TMEM232: variants seen among roughly 807,000 people sequenced by gnomAD.
TMEM232 encodes the protein transmembrane protein 232.
TMEM232 carries 80 observed loss-of-function variants against 78.8 expected under a neutral mutation model. That is an observed-to-expected ratio of 1.01 (90% CI 0.85 to 1.22). The LOEUF is 1.22. Ranked by LOEUF, TMEM232 falls within the 50% of genes most tolerant of loss-of-function variation. The pLI is 0.00. For missense variants in TMEM232, 881 were observed against 742.2 expected (o/e 1.19, Z -2.17); for synonymous variants, 297 against 254.3 (o/e 1.17, Z -1.60).
intron 1 of TMEM232, among the ~76,000 whole-genome samples, chr5:110,717,806 T>C (rs894980694): frequency 2.6e-5 from 4 of 152,134 alleles, no homozygotes; most frequent in Admixed American, 6.6e-5. Flanking sequence ...CCTGACACCA[T>C]GTGAAGGTCC....
chr5:110,583,753 CT>C (rs1778470219), intron 10 of TMEM232, among the ~76,000 whole-genome samples: 1 of 151,530 alleles, frequency 6.6e-6, no homozygotes. Context: ...AAACATTAAT[CT>C]TGAAAATAAG....
chr5:110,603,133 G>A lies in TMEM232; in HGVS notation c.1276+1976C>T, dbSNP rs556186303. On this transcript the variant is annotated intron_variant, in intron 10 of 13. Transcript: ENST00000455884. ...AGGGAGGGGAATATCACACACCCGG[G>A]CCTGTCAGGGGTTGGGGGCAAGGGA... Among the ~76,000 whole-genome samples the A allele has an allele frequency of 5.3e-5, 8 of 152,198 alleles. No individual in the cohort carries two copies. In the South Asian group the frequency reaches 1.7e-3, roughly 32 times the overall value.
chr5:110,601,930 A>T (rs1339187507), intron 10 of TMEM232, among the ~76,000 whole-genome samples: 2 of 152,192 alleles, frequency 1.3e-5, no homozygotes, highest in African/African-American at 4.8e-5. Flanking sequence ...ACAGCATGGT[A>T]CTGGTACCAA....
At chr5:110,664,077 C>A (rs1022945063) in intron 2 of TMEM232, among the ~76,000 whole-genome samples, 14 of 152,108 alleles carry the variant, frequency 9.2e-5, no homozygotes, top group African/African-American at 3.1e-4. Context: ...GAATTCGAGG[C>A]TGCAGTGAGC....
intron 1 of TMEM232, among the ~76,000 whole-genome samples, chr5:110,688,134 C>T (rs1005419706): frequency 6.6e-6 from 1 of 151,252 alleles, no homozygotes; most frequent in South Asian, 2.1e-4. Flanking sequence ...TTTTAATAGT[C>T]TTGCTTTGAC....
intron 10 of TMEM232, among the ~76,000 whole-genome samples, chr5:110,574,924 C>G (rs559668238): frequency 6.6e-6 from 1 of 152,112 alleles, no homozygotes; most frequent in African/African-American, 2.4e-5. Context: ...TGAGTGATGT[C>G]TTAGGGATCT....
intron 11 of TMEM232, among the ~76,000 whole-genome samples, chr5:110,548,102 A>G (rs1298381210): frequency 2.0e-5 from 3 of 151,590 alleles, no homozygotes; most frequent in African/African-American, 7.3e-5. Flanking sequence ...TTCCTCGAGC[A>G]GAAGAAAAAT....
intron 1 of TMEM232, among the ~76,000 whole-genome samples, chr5:110,712,354 G>T (rs1796575528): frequency 6.6e-6 from 1 of 151,332 alleles, no homozygotes; most frequent in African/African-American, 2.4e-5. Context: ...TCTGACAAGG[G>T]TTTAATAACC....
At chr5:110,507,111 G>A (rs763504874) in intron 12 of TMEM232, among the ~76,000 whole-genome samples, 13 of 152,092 alleles carry the variant, frequency 8.5e-5, no homozygotes, top group South Asian at 2.1e-4. Flanking sequence ...TTTCTAGCAC[G>A]CAGAATTTAG....
chr5:110,431,673 A>G (rs1206529274), intron 12 of TMEM232, among the ~76,000 whole-genome samples: 1 of 151,752 alleles, frequency 6.6e-6, no homozygotes, highest in African/African-American at 2.4e-5. Context: ...ATTTTGCTAG[A>G]AAACTGGAAT....
chr5:110,709,877 A>C (rs1796297685), intron 1 of TMEM232, among the ~76,000 whole-genome samples: 1 of 152,084 alleles, frequency 6.6e-6, no homozygotes, highest in Non-Finnish European at 1.5e-5. Context: ...AAAAGAAATG[A>C]GACATGCTGA....
intron 12 of TMEM232, among the ~76,000 whole-genome samples, chr5:110,472,720 A>G (rs566923723): frequency 1.3e-5 from 2 of 152,110 alleles, no homozygotes; most frequent in South Asian, 2.1e-4. Context: ...TGACATAAAA[A>G]TGAATACATA....
chr5:110,559,469 C>A (rs770728120), intron 11 of TMEM232, among the ~76,000 whole-genome samples: 1 of 151,904 alleles, frequency 6.6e-6, no homozygotes, highest in Non-Finnish European at 1.5e-5. Context: ...TATATATATT[C>A]CCACAAATTA....
At chr5:110,533,932 A>G (rs994358955) in intron 11 of TMEM232, among the ~76,000 whole-genome samples, 8 of 146,190 alleles carry the variant, frequency 5.5e-5, no homozygotes, top group African/African-American at 1.1e-4. Flanking sequence ...GTAGAAATCT[A>G]TCCTCAAAGA....
chr5:110,683,438 C>G (rs1304966700), intron 1 of TMEM232, among the ~76,000 whole-genome samples: 5 of 151,650 alleles, frequency 3.3e-5, no homozygotes, highest in Non-Finnish European at 1.5e-5. Flanking sequence ...AGAGAGAGTA[C>G]ATGTGATTCT....
intron 10 of TMEM232, among the ~76,000 whole-genome samples, chr5:110,584,987 T>C (rs1778641679): frequency 6.6e-6 from 1 of 152,124 alleles, no homozygotes; most frequent in South Asian, 2.1e-4. Flanking sequence ...TTATTTCTGG[T>C]TCATGGGTCT....
At chr5:110,506,737 T>TG (rs887694514) in intron 12 of TMEM232, among the ~76,000 whole-genome samples, 13 of 152,170 alleles carry the variant, frequency 8.5e-5, no homozygotes, top group African/African-American at 3.1e-4. Context: ...TTCTGATAAT[T>TG]GGAAACCCAT....
intron 8 of TMEM232, among the ~76,000 whole-genome samples, chr5:110,612,208 C>T (rs1296979365): frequency 2.0e-5 from 3 of 152,120 alleles, no homozygotes; most frequent in Admixed American, 1.3e-4. Context: ...GGTTAAGCAA[C>T]ATTCAAAATT....
intron 10 of TMEM232, among the ~76,000 whole-genome samples, chr5:110,587,915 G>A (rs894247679): frequency 4.0e-5 from 6 of 151,444 alleles, no homozygotes; most frequent in East Asian, 1.9e-4. Context: ...AACAGTGAAT[G>A]ATTAAGATTG....
Sources: allele counts gnomAD v4.1 joint callset (sites outside exome capture counted in the v4.1 genomes callset), GRCh38; gene constraint gnomAD v4.1.1; transcripts MANE v1.5; gene names NCBI Gene and HGNC (gene_info 2026-07-23, HGNC 2026-07-21).